NFYC: variants seen among roughly 807,000 people sequenced by gnomAD.
The protein encoded by NFYC is CAAT box DNA-binding protein subunit C.
A neutral mutation model predicts 53.1 loss-of-function variants in NFYC; 25 were observed. That is an observed-to-expected ratio of 0.47 (90% CI 0.34 to 0.66). The LOEUF (loss-of-function observed/expected upper bound fraction) is 0.66, where lower values mean the gene tolerates loss of function less well. NFYC is among the 30% of genes least tolerant of loss of function. The probability of loss-of-function intolerance (pLI) is 0.01; values close to 1 mark genes in which losing one functional copy is unlikely to be tolerated. For synonymous variants in NFYC, 145 were observed against 152.6 expected, an observed-to-expected ratio of 0.95 and a Z score of 0.37; for missense variants, 260 against 422.7, an observed-to-expected ratio of 0.62 and a Z score of 3.38.
chr1:40,758,296 T>C lies in NFYC; in HGVS notation c.561+2T>C. Reference sequence around the variant, plus strand: ...ATCGCACAGCCTCAGCAGGGCCAGGTCTGTGAGCTGCTGAGGATGCCCATC... The same window carrying C: ...ATCGCACAGCCTCAGCAGGGCCAGGCCTGTGAGCTGCTGAGGATGCCCATC... On this transcript the variant is annotated splice_donor_variant, in intron 6 of 9. Transcript: ENST00000447388. LOFTEE classifies it high-confidence loss of function. 2 of 1,603,970 alleles carry C rather than the reference T, an allele frequency of 1.2e-6. No homozygotes were observed. Among genetic ancestry groups the C allele is most frequent in the Non-Finnish European group, 1.7e-6 (2 of 1,173,882 alleles).
intron 2 of NFYC, 129 bp downstream of exon 2, chr1:40,739,077 A>C: frequency 1.5e-6 from 1 of 663,218 alleles, no homozygotes; most frequent in Non-Finnish European, 2.6e-6. Context: ...TTCACCCCTG[A>C]CCTGTGGGTA....
At chr1:40,762,228 T>C (rs1216615789) in intron 6 of NFYC, among the ~76,000 whole-genome samples, 1 of 152,198 alleles carries the variant, frequency 6.6e-6, no homozygotes, top group East Asian at 1.9e-4. Flanking sequence ...GTAGACTTAG[T>C]TAAGAGTCTG....
intron 1 of NFYC, chr1:40,695,857 T>A (rs1643105316): frequency 6.6e-6 from 1 of 152,212 alleles, no homozygotes; most frequent in Non-Finnish European, 1.5e-5. Flanking sequence ...GCTTACATTG[T>A]ACCAGCTGGG....
intron 1 of NFYC, among the ~76,000 whole-genome samples, chr1:40,724,807 T>C (rs950453501): frequency 1.3e-5 from 2 of 152,206 alleles, no homozygotes; most frequent in Admixed American, 6.5e-5. Flanking sequence ...GAAAAGTATT[T>C]TTGTTTTTGA....
intron 7 of NFYC, among the ~76,000 whole-genome samples, chr1:40,765,120 T>C (rs946691945): frequency 1.3e-4 from 20 of 152,226 alleles, no homozygotes; most frequent in African/African-American, 4.1e-4. Flanking sequence ...TCTGCCCAGC[T>C]GCCTTCCTCC....
chr1:40,756,427 A>G (rs1281794359), intron 5 of NFYC, among the ~76,000 whole-genome samples: 2 of 152,196 alleles, frequency 1.3e-5, no homozygotes, highest in Non-Finnish European at 2.9e-5. Flanking sequence ...AAGTCAGTTC[A>G]TATATTAACT....
intron 2 of NFYC, among the ~76,000 whole-genome samples, chr1:40,747,082 C>T (rs970058558): frequency 1.3e-5 from 2 of 152,116 alleles, no homozygotes; most frequent in East Asian, 1.9e-4. Flanking sequence ...TCAAGTGCCC[C>T]GGCGTTGCTG....
intron 6 of NFYC, among the ~76,000 whole-genome samples, chr1:40,761,782 G>A (rs1036934000): frequency 1.3e-5 from 2 of 152,212 alleles, no homozygotes; most frequent in African/African-American, 4.8e-5. Flanking sequence ...TAGCAACATC[G>A]GTTGAAGTTT....
chr1:40,758,036 C>T lies in NFYC; in HGVS notation c.388-85C>T, dbSNP rs1395977475. On this transcript the variant is annotated intron_variant, in intron 5 of 9. Coordinates refer to ENST00000447388, the MANE Select transcript of NFYC (RefSeq NM_014223.5). ...CATTCAGCAGGCAACTGCACATAGC[C>T]TGTTTGGGGGAAGAGTGGAAATTCA... 11 of 1,490,090 alleles carry T rather than the reference C, an allele frequency of 7.4e-6. No homozygotes were observed. In the Admixed American group the frequency reaches 1.7e-4, roughly 23 times the overall value. The allele number at this position is 1,490,090 out of a possible 1,614,324, so 92.3% of individuals were successfully genotyped here.
At chr1:40,726,888 A>G (rs1644542693) in intron 1 of NFYC, among the ~76,000 whole-genome samples, 1 of 152,188 alleles carries the variant, frequency 6.6e-6, no homozygotes, top group Non-Finnish European at 1.5e-5. Flanking sequence ...TTATGAACTA[A>G]GTTTATATAA....
intron 1 of NFYC, among the ~76,000 whole-genome samples, chr1:40,698,430 C>T (rs1354013294): frequency 1.3e-5 from 2 of 151,606 alleles, no homozygotes; most frequent in Non-Finnish European, 2.9e-5. Flanking sequence ...GAATGCCATT[C>T]ATTCATTTAT....
At chr1:40,707,688 A>G (rs1216272471) in intron 1 of NFYC, among the ~76,000 whole-genome samples, 4 of 151,466 alleles carry the variant, frequency 2.6e-5, no homozygotes, top group Admixed American at 6.6e-5. Context: ...AGAAATAGAA[A>G]AATTAGCGGG....
chr1:40,747,682 C>CA (rs1456314512), intron 3 of NFYC, 77 bp downstream of exon 3: 1 of 932,488 alleles, frequency 1.1e-6, no homozygotes, highest in East Asian at 2.6e-5. Flanking sequence ...CTCTAGAGCT[C>CA]AAAGTTTAAT....
chr1:40,729,526 A>G (rs1644668555), intron 1 of NFYC, among the ~76,000 whole-genome samples: 1 of 152,104 alleles, frequency 6.6e-6, no homozygotes, highest in African/African-American at 2.4e-5. Context: ...AGACCACTGA[A>G]ACTTTCTTCA....
intron 1 of NFYC, among the ~76,000 whole-genome samples, chr1:40,726,333 G>A (rs1045211655): frequency 4.0e-5 from 6 of 151,806 alleles, no homozygotes; most frequent in Non-Finnish European, 8.8e-5. Context: ...GGCCAGGCTG[G>A]TTTCGAACTC....
intron 1 of NFYC, among the ~76,000 whole-genome samples, chr1:40,700,234 T>A (rs1412307126): frequency 6.6e-6 from 1 of 152,232 alleles, no homozygotes; most frequent in African/African-American, 2.4e-5. Context: ...TAGTAGCAGG[T>A]ACCATTTTTT....
intron 2 of NFYC, among the ~76,000 whole-genome samples, chr1:40,739,163 G>A (rs1001977234): frequency 5.9e-5 from 9 of 152,156 alleles, no homozygotes; most frequent in Non-Finnish European, 8.8e-5. Context: ...TTCCATAGGC[G>A]TGTGGTGTGC....
In NFYC at chr1:40,771,438, G is replaced by T; in HGVS notation, c.*610G>T. On this transcript the variant is annotated 3_prime_UTR_variant, in exon 10 of 10. Coordinates refer to ENST00000447388, the MANE Select transcript of NFYC (RefSeq NM_014223.5). Reference sequence around the variant, plus strand: ...ACAGATTTATTCCCTGTGGAGAGTGGGTGGATTCATTGCCACACTCTTTTC... The same window carrying T: ...ACAGATTTATTCCCTGTGGAGAGTGTGTGGATTCATTGCCACACTCTTTTC... The T allele has an allele frequency of 2.1e-6, 1 of 470,808 alleles. No homozygotes were observed. The highest frequency in any genetic ancestry group is 4.4e-6 in the Non-Finnish European group (1 of 226,864). 29.2% of individuals were successfully genotyped at this position (470,808 alleles called of 1,614,324 possible).
At chr1:40,753,933 A>G (rs1646061112) in intron 5 of NFYC, among the ~76,000 whole-genome samples, 1 of 152,024 alleles carries the variant, frequency 6.6e-6, no homozygotes, top group African/African-American at 2.4e-5. Flanking sequence ...CAAAGGTCAC[A>G]CTAGTTGTTT....
Sources: gnomAD v4.1 joint callset for allele counts (sites outside exome capture counted in the v4.1 genomes callset) on GRCh38, gnomAD v4.1.1 for gene constraint, MANE v1.5 for transcripts, NCBI Gene and HGNC (gene_info 2026-07-23, HGNC 2026-07-21) for gene names.